TSHZ2: variants seen among roughly 807,000 people sequenced by gnomAD.
The protein encoded by TSHZ2 is teashirt homolog 2.
Under a neutral mutation model 74.4 loss-of-function variants are expected in TSHZ2, and 21 were observed. The observed-to-expected ratio is 0.28, with a 90% confidence interval of 0.20 to 0.41. The LOEUF (loss-of-function observed/expected upper bound fraction) is 0.41. Among genes scored for constraint, TSHZ2 ranks in the 10% least tolerant of loss-of-function variants. The pLI is 1.00. For synonymous variants in TSHZ2, 540 were observed against 515.3 expected (o/e 1.05, Z -0.65); for missense variants, 1,244 against 1,293.5 (o/e 0.96, Z 0.59).
At position 53,487,235 on chromosome 20, in the gene TSHZ2, T is replaced by G. The variant is rs532489405; in HGVS notation, c.*100T>G. The G allele has an allele frequency of 7.2e-6, 1 of 138,290 alleles. No homozygotes were observed. The highest frequency in any genetic ancestry group is 8.1e-5 in the Admixed American group (1 of 12,334). The allele number at this position is 138,290 out of a possible 1,614,324, so 8.6% of individuals were successfully genotyped here. A position where few individuals can be genotyped will look rare whatever the true frequency, so the allele number is the denominator to read the frequency against. On this transcript the variant is annotated 3_prime_UTR_variant, in exon 3 of 3. Coordinates refer to ENST00000371497, the MANE Select transcript of TSHZ2 (RefSeq NM_173485.6). ...ATCCTGCTTCTGACATTGAACTCAT[T>G]GAACTCCTCCTGACACCCTGGCTCT...
intron 1 of TSHZ2, among the ~76,000 whole-genome samples, chr20:52,989,420 G>A (rs780888660): frequency 6.6e-6 from 1 of 151,976 alleles, no homozygotes; most frequent in Non-Finnish European, 1.5e-5. Flanking sequence ...CAGTCAGATG[G>A]AATAGAAGAA....
At chr20:53,241,083 C>T (rs1990058203) in intron 1 of TSHZ2, among the ~76,000 whole-genome samples, 1 of 152,144 alleles carries the variant, frequency 6.6e-6, no homozygotes, top group Non-Finnish European at 1.5e-5. Context: ...CCTATTTACC[C>T]ATTTTCTCTA....
intron 1 of TSHZ2, among the ~76,000 whole-genome samples, chr20:53,012,573 T>A (rs1000230717): frequency 4.6e-5 from 7 of 152,142 alleles, no homozygotes; most frequent in African/African-American, 1.7e-4. Flanking sequence ...GAACATTCCC[T>A]TGGTTTGGGA....
chr20:53,472,051 T>C (rs6097429), intron 2 of TSHZ2, among the ~76,000 whole-genome samples: 30,781 of 152,096 alleles, frequency 0.2, 3,296 homozygotes, highest in East Asian at 0.29. Flanking sequence ...GTGATCTGCC[T>C]GCCTAGGCCT....
chr20:53,047,239 G>T (rs1246196150), intron 1 of TSHZ2, among the ~76,000 whole-genome samples: 1 of 152,064 alleles, frequency 6.6e-6, no homozygotes, highest in Non-Finnish European at 1.5e-5. Context: ...ACTTTATTAA[G>T]GTATAATAGA....
chr20:53,206,576 C>T (rs1052914063), intron 1 of TSHZ2: 3 of 152,192 alleles, frequency 2.0e-5, no homozygotes, highest in Non-Finnish European at 4.4e-5. Flanking sequence ...TCTTTCATCC[C>T]CTTGCTTTTT....
At chr20:53,301,555 G>A (rs555817719) in intron 2 of TSHZ2, among the ~76,000 whole-genome samples, 91 of 152,248 alleles carry the variant, frequency 6.0e-4, no homozygotes, top group Non-Finnish European at 1.2e-3. Flanking sequence ...CCCCTAAGCC[G>A]AACTAAGCCT....
chr20:53,156,937 C>T (rs6068470), intron 1 of TSHZ2, among the ~76,000 whole-genome samples: 1 of 152,144 alleles, frequency 6.6e-6, no homozygotes, highest in Non-Finnish European at 1.5e-5. Context: ...TTCTATCTGC[C>T]TAAGAGAAGT....
intron 2 of TSHZ2, among the ~76,000 whole-genome samples, chr20:53,306,513 G>T (rs1978550290): frequency 6.6e-6 from 1 of 152,152 alleles, no homozygotes; most frequent in South Asian, 2.1e-4. Flanking sequence ...ATTTGAAGGG[G>T]TTAGGATTTT....
chr20:53,180,783 A>G lies in TSHZ2; in HGVS notation c.41-72716A>G, dbSNP rs566177106. Among the ~76,000 whole-genome samples the G allele has an allele frequency of 1.1e-4, 17 of 152,272 alleles. No individual in the cohort carries two copies. The East Asian group carries it at 3.3e-3, about 29-fold the overall frequency. The stretch of plus-strand genomic sequence containing the variant: ...ATATTTTTTAAATTAAAAAAATTAT[A>G]AAATAAAATGAAAAGATCACTTGTT... On this transcript the variant is annotated intron_variant, in intron 1 of 2. Coordinates refer to ENST00000371497, the MANE Select transcript of TSHZ2 (RefSeq NM_173485.6).
intron 1 of TSHZ2, among the ~76,000 whole-genome samples, chr20:53,170,904 C>T (rs191076114): frequency 6.6e-6 from 1 of 150,590 alleles, no homozygotes; most frequent in African/African-American, 2.5e-5. Context: ...TGATGGTGCT[C>T]CTCTCAAAAG....
rs1490528582 is a variant in TSHZ2, at chr20:53,452,061, C to CATCAAGTG, written c.*9-35082_*9-35075dup. Among the ~76,000 whole-genome samples the CATCAAGTG allele has an allele frequency of 2.0e-5, 3 of 152,196 alleles. No homozygotes were observed. The East Asian group carries it at 5.8e-4, about 29-fold the overall frequency. ...GACATGGGCAAGACAAGAGTGCTGT[C>CATCAAGTG]ATCAAGTGTGAAGAACAAAGGGAAG... is the stretch of plus-strand genomic sequence containing the variant. On this transcript the variant is annotated intron_variant, in intron 2 of 2. Coordinates refer to ENST00000371497, the MANE Select transcript of TSHZ2 (RefSeq NM_173485.6).
At chr20:53,006,918 A>T (rs1386062922) in intron 1 of TSHZ2, among the ~76,000 whole-genome samples, 2 of 126,568 alleles carry the variant, frequency 1.6e-5, no homozygotes, top group African/African-American at 3.0e-5. Flanking sequence ...AGGAGTTGGG[A>T]GAGTTAGAGG....
intron 2 of TSHZ2, among the ~76,000 whole-genome samples, chr20:53,316,123 A>G (rs1250075836): frequency 6.6e-6 from 1 of 152,256 alleles, no homozygotes; most frequent in Non-Finnish European, 1.5e-5. Flanking sequence ...TGTGCAAACT[A>G]AGGCATAGTA....
chr20:53,286,461 T>C (rs1991167887), intron 2 of TSHZ2, among the ~76,000 whole-genome samples: 1 of 152,266 alleles, frequency 6.6e-6, no homozygotes, highest in Non-Finnish European at 1.5e-5. Flanking sequence ...AAGGGTATGA[T>C]GAAAATCCAG....
At chr20:53,272,538 G>A (rs142215589) in intron 2 of TSHZ2, among the ~76,000 whole-genome samples, 164 of 152,242 alleles carry the variant, frequency 1.1e-3, no homozygotes, top group African/African-American at 3.8e-3. Context: ...TCCTCCATGG[G>A]CGAAATGACA....
chr20:53,092,386 C>G (rs1211287564), intron 1 of TSHZ2, among the ~76,000 whole-genome samples: 2 of 152,146 alleles, frequency 1.3e-5, no homozygotes, highest in African/African-American at 2.4e-5. Flanking sequence ...GATGTTTTAT[C>G]AGTCAACTTG....
chr20:53,448,039 G>A (rs1205159523), intron 2 of TSHZ2, among the ~76,000 whole-genome samples: 14 of 151,578 alleles, frequency 9.2e-5, no homozygotes, highest in Admixed American at 1.3e-4. Flanking sequence ...TCAGCCTCCC[G>A]AGTAGCTGGG....
intron 1 of TSHZ2, among the ~76,000 whole-genome samples, chr20:53,200,869 T>A (rs1200068504): frequency 6.6e-6 from 1 of 152,174 alleles, no homozygotes; most frequent in Non-Finnish European, 1.5e-5. Flanking sequence ...GAGATTTGCT[T>A]TAAAATAATT....
Sources: allele counts gnomAD v4.1 joint callset (sites outside exome capture counted in the v4.1 genomes callset), GRCh38; gene constraint gnomAD v4.1.1; transcripts MANE v1.5; gene names NCBI Gene and HGNC (gene_info 2026-07-23, HGNC 2026-07-21).